The following SLCO3A1 variants were observed in gnomAD, a reference collection of about 807,000 sequenced individuals.
The protein encoded by SLCO3A1 is PGE1 transporter.
In SLCO3A1, 27 loss-of-function variants were observed where a neutral mutation model predicts 63.1. The ratio of observed to expected loss-of-function variants is 0.43; its 90% CI spans 0.32 to 0.59. The LOEUF is 0.59. SLCO3A1 is among the 20% of genes least tolerant of loss of function. The pLI is 0.09. For missense variants in SLCO3A1, 773 were observed against 945.8 expected (o/e 0.82, Z 2.40); for synonymous variants, 473 against 409.9 (o/e 1.15, Z -1.86).
Position 92,108,665 on chromosome 15 carries a change from T to A in SLCO3A1, c.1009+4123T>A, listed in dbSNP as rs904756737. 3.3e-5 allele frequency among the ~76,000 whole-genome samples: 5 copies of A among 152,184 alleles called. No individual in the cohort carries two copies. The East Asian group carries it at 9.7e-4, about 29-fold the overall frequency. ...GAGGCCTTGATGGACATGACGAGGG[T>A]CTCTTCTGCAGCCGCATGTCCATCT... On this transcript the variant is annotated intron_variant, in intron 4 of 9. Coordinates refer to ENST00000318445, the MANE Select transcript of SLCO3A1 (RefSeq NM_013272.4).
At chr15:91,896,614 G>C (rs775838276) in intron 1 of SLCO3A1, among the ~76,000 whole-genome samples, 30 of 152,162 alleles carry the variant, frequency 2.0e-4, no homozygotes, top group Non-Finnish European at 3.7e-4. Flanking sequence ...ACACTGTCTT[G>C]CCTGCTGCCA....
rs189221178 is a variant in SLCO3A1 at position 91,875,552 on chromosome 15, G to A, written c.180+21464G>A. Among the ~76,000 whole-genome samples the A allele has an allele frequency of 7.9e-5, 12 of 152,372 alleles. No homozygotes were observed. Among genetic ancestry groups the A allele is most frequent in the East Asian group, 3.9e-4 (2 of 5,180 alleles). On this transcript the variant is annotated intron_variant, in intron 1 of 9. Coordinates refer to ENST00000318445, the MANE Select transcript of SLCO3A1 (RefSeq NM_013272.4). The surrounding 1 kb of genome is among the most constrained non-coding windows in gnomAD (Gnocchi z 4.5). ...CCTGCCACAGAGGGCTCTCCTGAGCGTGAAAGGAGTTACTGCCTGGGAAGC... is the reference window on the plus strand; with the variant it reads ...CCTGCCACAGAGGGCTCTCCTGAGCATGAAAGGAGTTACTGCCTGGGAAGC...
At chr15:92,169,655 C>G (rs974780982), downstream of SLCO3A1, among the ~76,000 whole-genome samples, 2 of 152,224 alleles carry the variant, frequency 1.3e-5, no homozygotes, top group Non-Finnish European at 2.9e-5. Context: ...TGCTGGTCAT[C>G]GGCTCCCCCG....
intron 2 of SLCO3A1, among the ~76,000 whole-genome samples, chr15:91,983,198 C>T (rs969599555): frequency 6.6e-6 from 1 of 152,238 alleles, no homozygotes; most frequent in Non-Finnish European, 1.5e-5. Context: ...AGGCATGGCC[C>T]TATATGCTGT....
At chr15:92,095,042 C>A in intron 3 of SLCO3A1, 63 bp downstream of exon 3, 1 of 1,164,772 alleles carries the variant, frequency 8.6e-7, no homozygotes, top group Non-Finnish European at 1.3e-6. Context: ...ATAAATGCGG[C>A]TTCAGCCTGT....
At chr15:92,132,351 TTCTTA>T (rs1180659454) in intron 7 of SLCO3A1, among the ~76,000 whole-genome samples, 5 of 144,992 alleles carry the variant, frequency 3.4e-5, no homozygotes, top group African/African-American at 5.0e-5. Context: ...TTTTTTTATT[TTCTTA>T]TATCTCCTTG....
In SLCO3A1 at chr15:91,874,235, G is replaced by GCT. The variant is rs1439065786; in HGVS notation, c.180+20149_180+20150dup. ...GTCTCTCTCAATACATCTTACTGTT[G>GCT]CTCACTATTTTCTGACTGTAGTTGA... On this transcript the variant is annotated intron_variant, in intron 1 of 9. Coordinates refer to ENST00000318445, the MANE Select transcript of SLCO3A1 (RefSeq NM_013272.4). Among the ~76,000 whole-genome samples the GCT allele has an allele frequency of 3.3e-4, 50 of 152,212 alleles. 1 individual carries two copies. The highest frequency in any genetic ancestry group is 3.2e-3 in the Admixed American group (49 of 15,288).
intron 2 of SLCO3A1, among the ~76,000 whole-genome samples, chr15:92,063,047 C>T (rs2047106081): frequency 6.6e-6 from 1 of 152,196 alleles, no homozygotes; most frequent in Non-Finnish European, 1.5e-5. Flanking sequence ...AAAAGAACAA[C>T]CAAAATGGGC....
chr15:92,170,562 C>T (rs1266286523), downstream of SLCO3A1, among the ~76,000 whole-genome samples: 1 of 152,204 alleles, frequency 6.6e-6, no homozygotes, highest in Non-Finnish European at 1.5e-5. Flanking sequence ...CTTTCCACTA[C>T]AACACAAAGC....
In SLCO3A1 at chr15:91,950,981, C is replaced by T. The variant is rs561631265; in HGVS notation, c.646+34523C>T. Among the ~76,000 whole-genome samples, 3 of 152,234 alleles carry T rather than the reference C, an allele frequency of 2.0e-5. No individual in the cohort carries two copies. The highest frequency in any genetic ancestry group is 4.2e-4 in the South Asian group (2 of 4,812). On this transcript the variant is annotated intron_variant, in intron 2 of 9. Transcript: ENST00000318445. The surrounding 1 kb of genome is among the most constrained non-coding windows in gnomAD (Gnocchi z 4.4). ...GAGCTGAAGCTATTGTGTGTATTCT[C>T]TTAGTAAAGTCAGTTCCCACAGTTC... is the stretch of plus-strand genomic sequence containing the variant.
Position 91,992,415 on chromosome 15 carries a change from C to A in SLCO3A1, c.646+75957C>A, listed in dbSNP as rs187523134. Among the ~76,000 whole-genome samples the A allele has an allele frequency of 2.0e-5, 3 of 152,304 alleles. No individual in the cohort carries two copies. In the East Asian group the frequency reaches 5.8e-4, roughly 29 times the overall value. Reference sequence around the variant, plus strand: ...AGCTCTGACCTCGTGAAGGTTATGACCGCCAGTGACTCCTTTCTTGACCCT... The same window carrying A: ...AGCTCTGACCTCGTGAAGGTTATGAACGCCAGTGACTCCTTTCTTGACCCT... On this transcript the variant is annotated intron_variant, in intron 2 of 9. Coordinates refer to ENST00000318445, the MANE Select transcript of SLCO3A1 (RefSeq NM_013272.4).
chr15:92,043,421 A>T (rs775268482), intron 2 of SLCO3A1, among the ~76,000 whole-genome samples: 1 of 152,228 alleles, frequency 6.6e-6, no homozygotes, highest in Non-Finnish European at 1.5e-5. Flanking sequence ...AACCAGCGAT[A>T]GCAGGCCCCA....
intron 2 of SLCO3A1, among the ~76,000 whole-genome samples, chr15:91,919,762 T>G (rs1418379349): frequency 6.6e-6 from 1 of 152,206 alleles, no homozygotes; most frequent in Non-Finnish European, 1.5e-5. Flanking sequence ...GCCCCCCTTT[T>G]TTTTTTCAAG....
chr15:91,904,878 A>G lies in SLCO3A1; in HGVS notation c.181-11115A>G, dbSNP rs140178769. The stretch of plus-strand genomic sequence containing the variant: ...CAAGAGAGGATATAATTAGGTGGAA[A>G]TTGGTTATCTTGATAGTTACAATTT... On this transcript the variant is annotated intron_variant, in intron 1 of 9. Coordinates refer to ENST00000318445, the MANE Select transcript of SLCO3A1 (RefSeq NM_013272.4). 1.8e-3 allele frequency among the ~76,000 whole-genome samples: 269 copies of G among 152,318 alleles called. 1 individual carries two copies. Among genetic ancestry groups the G allele is most frequent in the African/African-American group, 6.2e-3 (256 of 41,572 alleles).
chr15:91,986,038 G>T (rs554569179), intron 2 of SLCO3A1, among the ~76,000 whole-genome samples: 52 of 152,304 alleles, frequency 3.4e-4, no homozygotes, highest in African/African-American at 1.3e-3. Flanking sequence ...TTTGGATCTG[G>T]TCCTCTGAGT....
In SLCO3A1 at chr15:92,164,630, G is replaced by C; in HGVS notation, c.*1495G>C. 1 of 985,248 alleles carries C rather than the reference G, an allele frequency of 1.0e-6. No homozygotes were observed. Among genetic ancestry groups the C allele is most frequent in the Non-Finnish European group, 1.2e-6 (1 of 829,876 alleles). 61.0% of individuals were successfully genotyped at this position (985,248 alleles called of 1,614,324 possible). On this transcript the variant is annotated 3_prime_UTR_variant, in exon 10 of 10. Transcript: ENST00000318445. ...TCTGTAGCATCTCTGATAACGAATA[G>C]ACCCACAAGCTCCTGGAAGCTGTCG...
intron 2 of SLCO3A1, among the ~76,000 whole-genome samples, chr15:91,987,655 A>T (rs1047922295): frequency 4.6e-5 from 7 of 150,718 alleles, no homozygotes; most frequent in Non-Finnish European, 8.9e-5. Flanking sequence ...AGGCAGGGGG[A>T]GTTGCTTGAA....
At chr15:92,092,199 C>T (rs144001915) in intron 2 of SLCO3A1, among the ~76,000 whole-genome samples, 1 of 152,274 alleles carries the variant, frequency 6.6e-6, no homozygotes, top group East Asian at 1.9e-4. Flanking sequence ...CTCGATGCAA[C>T]CCCTTCAGCT....
Position 92,165,796 on chromosome 15 carries a change from C to G in SLCO3A1, c.*2661C>G, listed in dbSNP as rs990714008. The stretch of plus-strand genomic sequence containing the variant: ...ATTGTACATACAACACTAGATCCAG[C>G]CCCTCGATTATCTGTTTGGTTTCAA... On this transcript the variant is annotated 3_prime_UTR_variant, in exon 10 of 10. Coordinates refer to ENST00000318445, the MANE Select transcript of SLCO3A1 (RefSeq NM_013272.4). 2.0e-6 allele frequency: 2 copies of G among 985,128 alleles called. No individual in the cohort carries two copies. Among genetic ancestry groups the G allele is most frequent in the South Asian group, 4.7e-5 (1 of 21,276 alleles). 61.0% of individuals were successfully genotyped at this position (985,128 alleles called of 1,614,324 possible).
Sources: gnomAD v4.1 joint callset for allele counts (sites outside exome capture counted in the v4.1 genomes callset) on GRCh38, gnomAD v4.1.1 for gene constraint, Gnocchi (gnomAD v3.1) non-coding constraint, MANE v1.5 for transcripts, NCBI Gene and HGNC (gene_info 2026-07-23, HGNC 2026-07-21) for gene names.